The following ATP13A5 variants were observed in gnomAD, a reference collection of about 807,000 sequenced individuals.
ATP13A5 encodes ATPase 13A5.
A neutral mutation model predicts 150.2 loss-of-function variants in ATP13A5; 149 were observed. The ratio of observed to expected loss-of-function variants is 0.99; its 90% confidence interval spans 0.87 to 1.14. The LOEUF (loss-of-function observed/expected upper bound fraction) is 1.14, where lower values mean the gene tolerates loss of function less well. Among genes scored for constraint, ATP13A5 ranks in the 50% most tolerant of loss-of-function variants. The pLI, the probability that ATP13A5 is intolerant of heterozygous loss-of-function variation, is 0.00. For synonymous variants in ATP13A5, 497 were observed against 522.2 expected (o/e 0.95, Z 0.66); for missense variants, 1,383 against 1,449.3 (o/e 0.95, Z 0.74).
chr3:193,363,369 C>T lies in ATP13A5; in HGVS notation c.251G>A (p.Arg84Lys). The part of the protein sequence containing the change: ...VLLRTTDEFQ[R>K]YMRKKVFCLY... ...GCAGAATACCTTCTTCCTCATATAT[C>T]TTTGAAATTCGTCCTGGAAAAGACA... The change falls in exon 3 of 30, where the codon AGA (arginine) becomes AAA (lysine). Residue 84 changes from arginine to lysine, a missense_variant. This residue lies in a region of ATP13A5 where 787 missense variants were observed against 771.9 expected (regional missense o/e 1.02). Transcript: ENST00000342358. The T allele has an allele frequency of 6.2e-7, 1 of 1,611,134 alleles. No individual in the cohort carries two copies. The highest frequency in any genetic ancestry group is 8.5e-7 in the Non-Finnish European group (1 of 1,178,692).
intron 21 of ATP13A5, 145 bp from the exon 22 acceptor site, chr3:193,307,514 G>T: frequency 1.1e-6 from 1 of 952,320 alleles, no homozygotes; most frequent in Non-Finnish European, 1.6e-6. Flanking sequence ...AAGAAAAATG[G>T]TTTGGAGAGA....
intron 9 of ATP13A5, among the ~76,000 whole-genome samples, chr3:193,339,901 A>C (rs374593220): frequency 7.9e-5 from 12 of 152,306 alleles, no homozygotes; most frequent in African/African-American, 2.6e-4. Flanking sequence ...GCAGTCATGT[A>C]TTGATCAATC....
chr3:193,320,521 A>C (rs1399773273), intron 16 of ATP13A5, among the ~76,000 whole-genome samples: 2 of 152,232 alleles, frequency 1.3e-5, no homozygotes, highest in Non-Finnish European at 2.9e-5. Flanking sequence ...AATGTCAAGA[A>C]GATGCTCAGC....
Position 193,364,142 on chromosome 3 carries a change from A to G in ATP13A5, c.202T>C (p.Leu68=), listed in dbSNP as rs1394731275. 6.2e-7 allele frequency: 1 copy of G among 1,614,058 alleles called. No individual in the cohort carries two copies. The highest frequency in any genetic ancestry group is 8.5e-7 in the Non-Finnish European group (1 of 1,179,952). ...AGCAAAACAGTGTCTGCTTCTTGCA[A>G]GGGGCATGGGATGCAGTTGGCCCAC... ...RVWANCIPCP[L]QEADTVLLRT... is the part of the protein sequence containing the mutation. The change falls in exon 2 of 30, where the codon TTG becomes CTG. Residue 68 remains leucine (L), a synonymous_variant. Transcript: ENST00000342358.
intron 25 of ATP13A5, among the ~76,000 whole-genome samples, chr3:193,297,816 T>C (rs1392426810): frequency 6.6e-6 from 1 of 152,096 alleles, no homozygotes; most frequent in Non-Finnish European, 1.5e-5. Flanking sequence ...GAATTAAGTG[T>C]GCAAAAGCTC....
rs572305710 is a variant in ATP13A5 at position 193,333,934 on chromosome 3, T to C, written c.1115-27A>G. 12 of 1,594,540 alleles carry C rather than the reference T, an allele frequency of 7.5e-6. No homozygotes were observed. The Admixed American group carries it at 1.7e-4, about 23-fold the overall frequency. On this transcript the variant is annotated intron_variant, in intron 10 of 29. Coordinates refer to ENST00000342358, the MANE Select transcript of ATP13A5 (RefSeq NM_198505.4). Reference sequence around the variant, plus strand: ...TACATAAAGATAATCATAGATCAAGTAAGGCTGCTTGATGGACACTTGGTC... The same window carrying C: ...TACATAAAGATAATCATAGATCAAGCAAGGCTGCTTGATGGACACTTGGTC...
chr3:193,277,302 C>G (rs1182638253), intron 28 of ATP13A5, among the ~76,000 whole-genome samples: 2 of 152,238 alleles, frequency 1.3e-5, no homozygotes, highest in South Asian at 2.1e-4. Flanking sequence ...GCTTCTGGCC[C>G]TATGTCTGAT....
intron 7 of ATP13A5, among the ~76,000 whole-genome samples, chr3:193,348,419 G>A (rs1420267949): frequency 6.6e-6 from 1 of 152,090 alleles, no homozygotes; most frequent in Non-Finnish European, 1.5e-5. Context: ...AAGCACTGTG[G>A]GCCAGATACT....
chr3:193,314,401 G>A (rs939526136), intron 18 of ATP13A5: 3 of 518,760 alleles, frequency 5.8e-6, no homozygotes, highest in Admixed American at 6.9e-5. Flanking sequence ...TCATATCCTG[G>A]TCCATGTGTA....
intron 1 of ATP13A5, among the ~76,000 whole-genome samples, chr3:193,375,798 C>T (rs2108588042): frequency 6.6e-6 from 1 of 152,278 alleles, no homozygotes; most frequent in South Asian, 2.1e-4. Flanking sequence ...GCTTTATCTC[C>T]ATGCTGAGCT....
intron 5 of ATP13A5, 111 bp downstream of exon 5, chr3:193,362,270 G>C (rs1713040855): frequency 1.0e-6 from 1 of 956,706 alleles, no homozygotes; most frequent in Admixed American, 2.0e-5. Context: ...AATGAACTTG[G>C]ACTATAACAA....
intron 1 of ATP13A5, among the ~76,000 whole-genome samples, chr3:193,378,027 C>T (rs62285675): frequency 0.26 from 39,724 of 152,020 alleles, 5,653 homozygotes; most frequent in East Asian, 0.55. Flanking sequence ...AACACCTCAG[C>T]ACCAAATAAA....
At chr3:193,311,644 C>T (rs148757406) in intron 20 of ATP13A5, among the ~76,000 whole-genome samples, 172 bp downstream of exon 20, 64 of 152,156 alleles carry the variant, frequency 4.2e-4, no homozygotes, top group African/African-American at 1.5e-3. Flanking sequence ...TGCCTGGGAC[C>T]GAGAAGGCAT....
chr3:193,314,051 C>T lies in ATP13A5; in HGVS notation c.2301G>A (p.Glu767=). ...TGCTCACTTTCTTCCCAGGTCCAGT[C>T]TCTTGGTTCTCCACCAGCTGCCAGG... The part of the protein sequence containing the change: ...SVTWQLVENQ[E]TGPGKKEIYM... Residue 767 remains glutamate, a synonymous_variant, in exon 19 of 30, where the codon GAG becomes GAA. Coordinates refer to ENST00000342358, the MANE Select transcript of ATP13A5 (RefSeq NM_198505.4). 1 of 1,613,402 alleles carries T rather than the reference C, an allele frequency of 6.2e-7. No homozygotes were observed. The highest frequency in any genetic ancestry group is 8.5e-7 in the Non-Finnish European group (1 of 1,179,840).
rs189355185 is a variant in ATP13A5, at chr3:193,315,137, G to A, written c.2034-41C>T. ...AAAATCAATATTAAAGTATATCTAC[G>A]TAGGCTCCATAGTTCAATTTATTTC... On this transcript the variant is annotated intron_variant, in intron 17 of 29. Coordinates refer to ENST00000342358, the MANE Select transcript of ATP13A5 (RefSeq NM_198505.4). 42 of 1,578,084 alleles carry A rather than the reference G, an allele frequency of 2.7e-5. No individual in the cohort carries two copies. The East Asian group carries it at 2.7e-4, about 10-fold the overall frequency.
intron 25 of ATP13A5, among the ~76,000 whole-genome samples, chr3:193,293,921 G>A (rs900469455): frequency 6.6e-6 from 1 of 152,040 alleles, no homozygotes; most frequent in South Asian, 2.1e-4. Flanking sequence ...CTTCTCCTAG[G>A]GGCTGGAATG....
At chr3:193,289,841 TATTAA>T (rs1215406024) in intron 26 of ATP13A5, 39 bp downstream of exon 26, 1 of 1,514,960 alleles carries the variant, frequency 6.6e-7, no homozygotes, top group African/African-American at 1.4e-5. Context: ...ATTGGATATT[TATTAA>T]ATTACCTTTC....
At chr3:193,295,772 T>C (rs1718145242) in intron 25 of ATP13A5, among the ~76,000 whole-genome samples, 1 of 152,160 alleles carries the variant, frequency 6.6e-6, no homozygotes, top group Non-Finnish European at 1.5e-5. Context: ...TATTTAACTA[T>C]AAGCATGTCT....
rs142352224 is a variant in ATP13A5 at position 193,314,421 on chromosome 3, A to G, written c.2159-228T>C. On this transcript the variant is annotated intron_variant, in intron 18 of 29. Coordinates refer to ENST00000342358, the MANE Select transcript of ATP13A5 (RefSeq NM_198505.4). ...TCCTGGTCCATGTGTATTTCAAAACATGTGTGAATTAATAAAGAAATACTT... is the reference window on the plus strand; with the variant it reads ...TCCTGGTCCATGTGTATTTCAAAACGTGTGTGAATTAATAAAGAAATACTT... 3.0e-3 allele frequency: 1,454 copies of G among 479,604 alleles called. 18 individuals are homozygous for G. The highest frequency in any genetic ancestry group is 0.027 in the African/African-American group (1,366 of 51,528). The allele number at this position is 479,604 out of a possible 1,614,324, so 29.7% of individuals were successfully genotyped here. A position where few individuals can be genotyped will look rare whatever the true frequency, so the allele number is the denominator to read the frequency against.
Sources: gnomAD v4.1 joint callset for allele counts (sites outside exome capture counted in the v4.1 genomes callset) on GRCh38, gnomAD v4.1.1 for gene constraint, gnomAD v4.1.1 regional missense constraint, MANE v1.5 for transcripts, NCBI Gene and HGNC (gene_info 2026-07-23, HGNC 2026-07-21) for gene names.